Variants in VSIG1 observed in about 807,000 individuals in gnomAD.
The protein encoded by VSIG1 is V-set and immunoglobulin domain containing 1.
A neutral mutation model predicts 20.1 loss-of-function variants in VSIG1; 11 were observed. The ratio of observed to expected loss-of-function variants is 0.55; its 90% CI spans 0.34 to 0.91. The LOEUF (loss-of-function observed/expected upper bound fraction) is 0.91, where lower values mean the gene tolerates loss of function less well. Ranked by LOEUF, VSIG1 falls within the 40% of genes least tolerant of loss-of-function variation. The pLI is 0.02. For synonymous variants in VSIG1, 126 were observed against 116.7 expected, an observed-to-expected ratio of 1.08 and a Z score of -0.52; for missense variants, 283 against 298.8, an observed-to-expected ratio of 0.95 and a Z score of 0.39.
chrX:108,049,434 G>T (rs750410467), intron 1 of VSIG1, among the ~76,000 whole-genome samples: 1 of 111,933 alleles, frequency 8.9e-6, no homozygotes, highest in African/African-American at 3.3e-5. Context: ...ACTGTTTGTG[G>T]CACAAAATGG....
intron 1 of VSIG1, among the ~76,000 whole-genome samples, chrX:108,047,895 T>TATATATACACATATATATATACACACAC (rs2030652484): frequency 2.2e-5 from 1 of 45,672 alleles, no homozygotes; most frequent in Non-Finnish European, 3.2e-5. Context: ...TACACACATA[T>TATATATACACATATATATATACACACAC]ATATATATAC....
intron 1 of VSIG1, among the ~76,000 whole-genome samples, chrX:108,047,967 T>TACAC (rs2030684691): frequency 3.7e-5 from 1 of 27,101 alleles, no homozygotes; most frequent in African/African-American, 1.8e-4. Flanking sequence ...CACACATATA[T>TACAC]ATATATATAT....
rs2031403478 is a variant in VSIG1 at position 108,079,129 on chromosome X, AAAC to A, written c.*1752_*1754del. On this transcript the variant is annotated 3_prime_UTR_variant, in exon 7 of 7. Transcript: ENST00000217957. ...TGACTCCTAAGGCTAGTCCTTTTATAAACAACTTTTTCTGACATAGCATTTATG... is the reference window on the plus strand; with the variant it reads ...TGACTCCTAAGGCTAGTCCTTTTATAAACTTTTTCTGACATAGCATTTATG... 8.9e-6 allele frequency: 1 copy of A among 112,483 alleles called. No homozygotes were observed. The highest frequency in any genetic ancestry group is 3.2e-5 in the African/African-American group (1 of 30,956). The allele number at this position is 112,483 out of a possible 1,213,427, so 9.3% of individuals were successfully genotyped here.
At chrX:108,064,734 C>T (rs1422916943) in intron 2 of VSIG1, 1 of 751,487 alleles carries the variant, frequency 1.3e-6, no homozygotes, top group Non-Finnish European at 1.6e-6. Context: ...GGGGAAGTGG[C>T]CAGATGTTGA....
chrX:108,021,272 C>A, the VSIG1 span, among the ~76,000 whole-genome samples: 1 of 111,406 alleles, frequency 9.0e-6, no homozygotes, highest in African/African-American at 3.3e-5. Context: ...ACTGTCTTAT[C>A]CTCATATTTG....
At chrX:108,047,790 C>CA (rs2030618137) in intron 1 of VSIG1, among the ~76,000 whole-genome samples, 3 of 55,683 alleles carry the variant, frequency 5.4e-5, no homozygotes, top group African/African-American at 1.6e-4. Context: ...CTCTCTCTCT[C>CA]TATATATATA....
chrX:108,045,005 T>C (rs2030539756), upstream of VSIG1: 1 of 446,065 alleles, frequency 2.2e-6, no homozygotes, highest in Non-Finnish European at 3.6e-6. Context: ...CAAAGAGGCA[T>C]GTTTGCTTGG....
chrX:108,040,315 A>C (rs2030459367), upstream of VSIG1, among the ~76,000 whole-genome samples: 1 of 111,710 alleles, frequency 9.0e-6, no homozygotes, highest in East Asian at 2.8e-4. Context: ...CAACAACACA[A>C]TACCAATTTT....
At chrX:108,049,478 G>T (rs745658153) in intron 1 of VSIG1, among the ~76,000 whole-genome samples, 6 of 111,852 alleles carry the variant, frequency 5.4e-5, no homozygotes, top group Non-Finnish European at 1.1e-4. Flanking sequence ...AGGCTCCACA[G>T]CCTCTTCCAT....
chrX:108,069,450 G>A (rs2031196314), intron 3 of VSIG1, among the ~76,000 whole-genome samples: 1 of 112,000 alleles, frequency 8.9e-6, no homozygotes, highest in Non-Finnish European at 1.9e-5. Context: ...TCTAAAAATT[G>A]CAGCGACTAT....
intron 3 of VSIG1, 41 bp downstream of exon 3, chrX:108,067,175 G>C: frequency 8.5e-7 from 1 of 1,172,933 alleles, no homozygotes; most frequent in East Asian, 3.0e-5. Flanking sequence ...CTTGGAAAAA[G>C]TTAGGACACT....
chrX:108,056,970 A>C (rs2030913151), intron 1 of VSIG1, among the ~76,000 whole-genome samples: 1 of 112,518 alleles, frequency 8.9e-6, no homozygotes, highest in Non-Finnish European at 1.9e-5. Flanking sequence ...TCCAATACCC[A>C]AAAACTAGAA....
At chrX:108,053,835 T>C (rs1189419778) in intron 1 of VSIG1, among the ~76,000 whole-genome samples, 1 of 111,418 alleles carries the variant, frequency 9.0e-6, no homozygotes, top group African/African-American at 3.3e-5. Context: ...TTAGTAGTTA[T>C]CATTGTTAAT....
chrX:108,025,900 G>C, the VSIG1 span, among the ~76,000 whole-genome samples: 2 of 112,125 alleles, frequency 1.8e-5, no homozygotes, highest in Admixed American at 9.4e-5. Flanking sequence ...AAATCCTTGC[G>C]ATAAAGGAAG....
At chrX:108,041,560 G>A (rs1277995028), upstream of VSIG1, among the ~76,000 whole-genome samples, 1 of 53,576 alleles carries the variant, frequency 1.9e-5, no homozygotes, top group Non-Finnish European at 4.7e-5. Context: ...CCTCGTGTGT[G>A]TGTGTGTGTG....
Position 108,061,574 on chromosome X carries a change from T to C in VSIG1, c.213+3373T>C, listed in dbSNP as rs761718259. The stretch of plus-strand genomic sequence containing the variant: ...TTGGTGTACTACTGGACTTCTTCAT[T>C]GTTTGGAGACTCCAGGGCACTGGCA... On this transcript the variant is annotated intron_variant, in intron 2 of 6. Coordinates refer to ENST00000217957, the MANE Select transcript of VSIG1 (RefSeq NM_182607.5). 2.8e-6 allele frequency: 3 copies of C among 1,073,782 alleles called. No individual in the cohort carries two copies. In the East Asian group the frequency reaches 9.9e-5, roughly 36 times the overall value. The allele number at this position is 1,073,782 out of a possible 1,213,427, so 88.5% of individuals were successfully genotyped here. A position where few individuals can be genotyped will look rare whatever the true frequency, so the allele number is the denominator to read the frequency against.
At chrX:108,073,503 T>C in intron 5 of VSIG1, 134 bp downstream of exon 5, 1 of 721,544 alleles carries the variant, frequency 1.4e-6, no homozygotes. Context: ...ATATACAGGC[T>C]GATATGATGA....
chrX:108,068,558 G>A (rs1409544021), intron 3 of VSIG1, among the ~76,000 whole-genome samples: 2 of 111,603 alleles, frequency 1.8e-5, no homozygotes, highest in African/African-American at 6.5e-5. Context: ...CACATGGCTG[G>A]AACAGGAGGA....
intron 3 of VSIG1, among the ~76,000 whole-genome samples, chrX:108,072,398 G>A (rs909523605): frequency 9.1e-6 from 1 of 110,097 alleles, no homozygotes; most frequent in Non-Finnish European, 1.9e-5. Context: ...GATTACAGGC[G>A]CCCACCACCA....
Sources: gnomAD v4.1 joint callset for allele counts (sites outside exome capture counted in the v4.1 genomes callset) on GRCh38, gnomAD v4.1.1 for gene constraint, MANE v1.5 for transcripts, NCBI Gene and HGNC (gene_info 2026-07-23, HGNC 2026-07-21) for gene names.